ARHGEF12: variants seen among roughly 807,000 people sequenced by gnomAD.
ARHGEF12 encodes KMT2A/ARHGEF12 fusion protein.
In ARHGEF12, 66 loss-of-function variants were observed where a neutral mutation model predicts 211.2. That is an observed-to-expected ratio of 0.31 (90% CI 0.26 to 0.38). The LOEUF (loss-of-function observed/expected upper bound fraction) is 0.38. ARHGEF12 is among the 10% of genes least tolerant of loss of function. The pLI, the probability that ARHGEF12 is intolerant of heterozygous loss-of-function variation, is 1.00. For synonymous variants in ARHGEF12, 592 were observed against 638.4 expected (o/e 0.93, Z 1.09); for missense variants, 1,429 against 1,869.5 (o/e 0.76, Z 4.34).
rs12284305 is a variant in ARHGEF12, at chr11:120,430,666, C to T, written c.783+835C>T. Among the ~76,000 whole-genome samples, 506 of 152,110 alleles carry T rather than the reference C, an allele frequency of 3.3e-3. 3 individuals are homozygous for T. The highest frequency in any genetic ancestry group is 0.01 in the African/African-American group (422 of 41,490). The stretch of plus-strand genomic sequence containing the variant: ...AAAGCTGTTTTTTTGTCACTGTTCC[C>T]GAGTTAAATCTGAAGGGAAGGCTGC... On this transcript the variant is annotated intron_variant, in intron 10 of 40. Coordinates refer to ENST00000397843, the MANE Select transcript of ARHGEF12 (RefSeq NM_015313.3).
chr11:120,439,962 G>C (rs965771443), intron 12 of ARHGEF12, 167 bp from the exon 13 acceptor site: 138 of 582,850 alleles, frequency 2.4e-4, no homozygotes, highest in Middle Eastern at 2.9e-4. Context: ...ACATGGCCTT[G>C]AAAATTTGTG....
At chr11:120,468,163 G>C (rs1361459401) in intron 29 of ARHGEF12, among the ~76,000 whole-genome samples, 3 of 152,188 alleles carry the variant, frequency 2.0e-5, no homozygotes, top group Non-Finnish European at 4.4e-5. Context: ...CTGTTTCTCA[G>C]CTGAGCTTTA....
At chr11:120,415,271 C>G (rs911419792) in intron 4 of ARHGEF12, among the ~76,000 whole-genome samples, 4 of 152,042 alleles carry the variant, frequency 2.6e-5, no homozygotes, top group Non-Finnish European at 5.9e-5. Context: ...GGCCTATTTT[C>G]TGTACCATTT....
At chr11:120,389,780 T>G (rs1236503982) in intron 1 of ARHGEF12, among the ~76,000 whole-genome samples, 1 of 152,252 alleles carries the variant, frequency 6.6e-6, no homozygotes, top group African/African-American at 2.4e-5. Context: ...CATGTGAAGT[T>G]TGTCTTTCTG....
intron 28 of ARHGEF12, 22 bp downstream of exon 28, chr11:120,465,384 AG>A: frequency 6.2e-7 from 1 of 1,612,628 alleles, no homozygotes; most frequent in Non-Finnish European, 8.5e-7. Context: ...GAGTCATGTA[AG>A]AAAAAAAATA....
At chr11:120,462,961 G>A (rs763797886) in intron 27 of ARHGEF12, 6 of 152,212 alleles carry the variant, frequency 3.9e-5, no homozygotes, top group Non-Finnish European at 8.8e-5. Flanking sequence ...ATGCTGGGCA[G>A]CAACAGTGAG....
At chr11:120,467,165 CA>C (rs1555120550) in intron 28 of ARHGEF12, 28 bp from the exon 29 acceptor site, 3 of 1,392,078 alleles carry the variant, frequency 2.2e-6, no homozygotes, top group Non-Finnish European at 3.1e-6. Context: ...ATAAGAATTA[CA>C]GATTCACTTA....
chr11:120,433,831 G>A (rs988818926), intron 11 of ARHGEF12, among the ~76,000 whole-genome samples: 4 of 152,084 alleles, frequency 2.6e-5, no homozygotes, highest in African/African-American at 7.2e-5. Flanking sequence ...GGTGGCACAC[G>A]CCTGTAATCT....
intron 1 of ARHGEF12, among the ~76,000 whole-genome samples, chr11:120,368,663 G>A (rs1365133103): frequency 1.3e-5 from 2 of 152,104 alleles, no homozygotes; most frequent in African/African-American, 4.8e-5. Flanking sequence ...ATCTCAGTCT[G>A]ACCAATACCA....
chr11:120,406,544 C>T (rs992299468), intron 2 of ARHGEF12, among the ~76,000 whole-genome samples: 1 of 151,780 alleles, frequency 6.6e-6, no homozygotes, highest in African/African-American at 2.4e-5. Flanking sequence ...GTCTTAATTA[C>T]TTTATTTTTT....
chr11:120,350,528 A>AT (rs1193746785), intron 1 of ARHGEF12, among the ~76,000 whole-genome samples: 2 of 152,062 alleles, frequency 1.3e-5, no homozygotes, highest in African/African-American at 4.8e-5. Flanking sequence ...AAAAAAAAAA[A>AT]AGTGAGAAGT....
At chr11:120,363,411 T>G (rs1943333416) in intron 1 of ARHGEF12, among the ~76,000 whole-genome samples, 1 of 152,212 alleles carries the variant, frequency 6.6e-6, no homozygotes, top group South Asian at 2.1e-4. Flanking sequence ...TCCAGAAATG[T>G]CTTATTTGTA....
At chr11:120,475,805 TG>T (rs1429467387) in intron 33 of ARHGEF12, among the ~76,000 whole-genome samples, 1 of 152,208 alleles carries the variant, frequency 6.6e-6, no homozygotes, top group Non-Finnish European at 1.5e-5. Context: ...TAGGGTGGTA[TG>T]TTTTTTGATT....
intron 1 of ARHGEF12, among the ~76,000 whole-genome samples, chr11:120,356,965 G>A (rs1384889959): frequency 1.3e-5 from 2 of 151,932 alleles, no homozygotes; most frequent in Non-Finnish European, 2.9e-5. Context: ...CTAGTGAGTG[G>A]TAAAACTTGG....
chr11:120,359,583 C>T (rs928468095), intron 1 of ARHGEF12, among the ~76,000 whole-genome samples: 1 of 152,092 alleles, frequency 6.6e-6, no homozygotes, highest in African/African-American at 2.4e-5. Flanking sequence ...CAAATACTTA[C>T]GGAATATCTG....
At chr11:120,382,858 G>A (rs1380537500) in intron 1 of ARHGEF12, among the ~76,000 whole-genome samples, 1 of 152,172 alleles carries the variant, frequency 6.6e-6, no homozygotes, top group African/African-American at 2.4e-5. Flanking sequence ...GGCAGTAAGG[G>A]GGCCGGGCGA....
intron 17 of ARHGEF12, among the ~76,000 whole-genome samples, chr11:120,446,728 T>C (rs1946058917): frequency 6.6e-6 from 1 of 152,164 alleles, no homozygotes; most frequent in Non-Finnish European, 1.5e-5. Context: ...CAGTGCTGTG[T>C]CTATGCTAAG....
chr11:120,485,231 T>A lies in ARHGEF12; in HGVS notation c.*154T>A. ...TAGTCAAGTCCCAAGGTGCCCAGAG[T>A]GGGACTAGTTCTTCACAGTGTGGCA... On this transcript the variant is annotated 3_prime_UTR_variant, in exon 41 of 41. Coordinates refer to ENST00000397843, the MANE Select transcript of ARHGEF12 (RefSeq NM_015313.3). The A allele has an allele frequency of 2.4e-6, 2 of 822,518 alleles. No individual in the cohort carries two copies. The highest frequency in any genetic ancestry group is 4.0e-6 in the Non-Finnish European group (2 of 505,570). 51.0% of individuals were successfully genotyped at this position (822,518 alleles called of 1,614,324 possible). A position where few individuals can be genotyped will look rare whatever the true frequency, so the allele number is the denominator to read the frequency against.
At chr11:120,471,437 G>A (rs547570722) in intron 30 of ARHGEF12, among the ~76,000 whole-genome samples, 1 of 152,246 alleles carries the variant, frequency 6.6e-6, no homozygotes, top group African/African-American at 2.4e-5. Context: ...CCAGAAAACT[G>A]GTTCCCATTG....
Sources: allele counts gnomAD v4.1 joint callset (sites outside exome capture counted in the v4.1 genomes callset), GRCh38; gene constraint gnomAD v4.1.1; transcripts MANE v1.5; gene names NCBI Gene and HGNC (gene_info 2026-07-23, HGNC 2026-07-21).